ACAT1: variants seen among roughly 807,000 people sequenced by gnomAD.
The protein encoded by ACAT1 is acetyl-CoA acetyltransferase 1, also known as acetyl-CoA acetyltransferase, mitochondrial.
A neutral mutation model predicts 47.3 loss-of-function variants in ACAT1; 28 were observed. The observed-to-expected ratio is 0.59, with a 90% CI of 0.44 to 0.81. The LOEUF is 0.81. Ranked by LOEUF, ACAT1 falls within the 30% of genes least tolerant of loss-of-function variation. The pLI is 0.00. For synonymous variants in ACAT1, 181 were observed against 173.6 expected (o/e 1.04, Z -0.34); for missense variants, 469 against 524.3 (o/e 0.89, Z 1.03).
Position 108,121,635 on chromosome 11 carries a change from GC to G in ACAT1, c.30del (p.Ser10ArgfsTer17), listed in dbSNP as rs1565281236. MAVLAALLRSGARSRSPLLR... is the reference protein window; with the variant it reads MAVLAALLRXGARSRSPLLR... Reference sequence around the variant, plus strand: ...GCTGTGCTGGCGGCACTTCTGCGCAGCGGCGCCCGCAGCCGCAGCCCCCTGC... The same window carrying G: ...GCTGTGCTGGCGGCACTTCTGCGCAGGGCGCCCGCAGCCGCAGCCCCCTGC... On this transcript the variant is annotated frameshift_variant, in exon 1 of 12. Transcript: ENST00000265838. LOFTEE classifies it high-confidence loss of function. The G allele has an allele frequency of 3.2e-6, 5 of 1,550,720 alleles. No homozygotes were observed. The highest frequency in any genetic ancestry group is 4.4e-6 in the Non-Finnish European group (5 of 1,147,608).
chr11:108,146,194 A>C lies in ACAT1; in HGVS notation c.1006-8A>C, dbSNP rs368682208. ...TTTGAACATCATCTGTCTTTTAAAA[A>C]ATTTAAGGTTCTTAAAGATGTGGGA... On this transcript the variant is annotated splice_region_variant and splice_polypyrimidine_tract_variant and intron_variant, in intron 10 of 11. Coordinates refer to ENST00000265838, the MANE Select transcript of ACAT1 (RefSeq NM_000019.4). 6.2e-7 allele frequency: 1 copy of C among 1,603,746 alleles called. No individual in the cohort carries two copies. The highest frequency in any genetic ancestry group is 8.5e-7 in the Non-Finnish European group (1 of 1,171,332).
At chr11:108,145,638 T>G (rs936045798) in intron 10 of ACAT1, among the ~76,000 whole-genome samples, 5 of 152,148 alleles carry the variant, frequency 3.3e-5, no homozygotes, top group Non-Finnish European at 7.4e-5. Context: ...AAATAGAAAA[T>G]GTACCTTTTC....
chr11:108,117,451 A>G (rs4753829), upstream of ACAT1, among the ~76,000 whole-genome samples: 151,275 of 152,120 alleles, frequency 0.99, 75,222 homozygotes, highest in Middle Eastern at 1. Flanking sequence ...GGGCTTACAG[A>G]AGCCCATCAC....
intron 1 of ACAT1, among the ~76,000 whole-genome samples, chr11:108,122,877 T>C (rs1006433038): frequency 1.3e-5 from 2 of 151,682 alleles, no homozygotes; most frequent in Non-Finnish European, 2.9e-5. Context: ...CTAGGTACTC[T>C]AGAGATGTAA....
upstream of ACAT1, among the ~76,000 whole-genome samples, chr11:108,117,466 C>T (rs1338797187): frequency 6.6e-6 from 1 of 152,078 alleles, no homozygotes; most frequent in East Asian, 2.0e-4. Context: ...CATCACCACA[C>T]CCAGCTAATT....
At chr11:108,129,840 G>A (rs1237394954) in intron 1 of ACAT1, among the ~76,000 whole-genome samples, 1 of 152,172 alleles carries the variant, frequency 6.6e-6, no homozygotes, top group African/African-American at 2.4e-5. Flanking sequence ...CAGCTGGCTG[G>A]GTACAGGGAT....
rs1555031491 is a variant in ACAT1 at position 108,131,372 on chromosome 11, T to TTTTTTTTTTTTTTTTTTA, written c.73-535_73-534insTTTTTTTTTTTTTTTTTA. Among the ~76,000 whole-genome samples, 11 of 142,444 alleles carry TTTTTTTTTTTTTTTTTTA rather than the reference T, an allele frequency of 7.7e-5. 1 individual carries two copies. Among genetic ancestry groups the TTTTTTTTTTTTTTTTTTA allele is most frequent in the African/African-American group, 2.9e-4 (11 of 38,372 alleles). The allele number at this position is 142,444 out of a possible 152,430, so 93.4% of individuals were successfully genotyped here. A position where few individuals can be genotyped will look rare whatever the true frequency, so the allele number is the denominator to read the frequency against. On this transcript the variant is annotated intron_variant, in intron 1 of 11. Coordinates refer to ENST00000265838, the MANE Select transcript of ACAT1 (RefSeq NM_000019.4). The stretch of plus-strand genomic sequence containing the variant: ...ACTTGGAATTTTTTTTTTTTTTTTT[T>TTTTTTTTTTTTTTTTTTA]AGACAGTCTTGCTTTGTTGCCAAGG...
At chr11:108,120,690 G>T (rs1237269596), upstream of ACAT1, among the ~76,000 whole-genome samples, 1 of 152,184 alleles carries the variant, frequency 6.6e-6, no homozygotes, top group Non-Finnish European at 1.5e-5. Flanking sequence ...GTGGTTGAAG[G>T]TTGGGGACTG....
At chr11:108,129,771 A>G (rs1195621358) in intron 1 of ACAT1, among the ~76,000 whole-genome samples, 1 of 151,974 alleles carries the variant, frequency 6.6e-6, no homozygotes, top group East Asian at 1.9e-4. Flanking sequence ...CAGAAAGGGG[A>G]CTTTTTGAAG....
At chr11:108,136,169 T>G in intron 5 of ACAT1, 1 of 584,816 alleles carries the variant, frequency 1.7e-6, no homozygotes, top group Non-Finnish European at 3.0e-6. Context: ...ATCTGAGCCC[T>G]TCATTTTTCA....
At chr11:108,143,581 T>A (rs2077635153) in intron 9 of ACAT1, 1 of 154,002 alleles carries the variant, frequency 6.5e-6, no homozygotes, top group Admixed American at 6.5e-5. Context: ...AACTTCATTT[T>A]TTTTCTTAGC....
chr11:108,146,785 A>G (rs2077720245), intron 11 of ACAT1, among the ~76,000 whole-genome samples: 1 of 152,186 alleles, frequency 6.6e-6, no homozygotes, highest in Admixed American at 6.5e-5. Flanking sequence ...TGTACTTTTA[A>G]AAGATCTGTG....
intron 5 of ACAT1, among the ~76,000 whole-genome samples, chr11:108,135,597 T>C (rs2077454094): frequency 6.6e-6 from 1 of 151,290 alleles, no homozygotes; most frequent in Admixed American, 6.6e-5. Context: ...AGTGGCTCAC[T>C]CCTATAATCC....
At chr11:108,137,329 G>A (rs1015839164) in intron 5 of ACAT1, among the ~76,000 whole-genome samples, 2 of 152,170 alleles carry the variant, frequency 1.3e-5, no homozygotes, top group African/African-American at 4.8e-5. Flanking sequence ...CATGTGACCT[G>A]AGGTATAGGT....
chr11:108,134,263 T>G lies in ACAT1; in HGVS notation c.281T>G (p.Val94Gly). 1 of 1,613,790 alleles carries G rather than the reference T, an allele frequency of 6.2e-7. No homozygotes were observed. Among genetic ancestry groups the G allele is most frequent in the Non-Finnish European group, 8.5e-7 (1 of 1,179,874 alleles). Residue 94 changes from valine (V) to glycine (G), a missense_variant, in exon 4 of 12, where the codon GTT (valine) becomes GGT (glycine). Coordinates refer to ENST00000265838, the MANE Select transcript of ACAT1 (RefSeq NM_000019.4). ...EEVKEAYMGN[V>G]LQGGEGQAPT... is the part of the protein sequence containing the mutation. ...GTGAAAGAAGCATACATGGGTAATG[T>G]TCTACAAGGAGGTGAAGGACAAGCT...
intron 1 of ACAT1, chr11:108,128,926 T>C (rs1198590368): frequency 6.6e-6 from 1 of 152,210 alleles, no homozygotes; most frequent in Non-Finnish European, 1.5e-5. Flanking sequence ...ACAGGTGGTG[T>C]TGGATTATAT....
At chr11:108,126,116 C>T (rs553719366) in intron 1 of ACAT1, among the ~76,000 whole-genome samples, 2 of 152,234 alleles carry the variant, frequency 1.3e-5, no homozygotes, top group South Asian at 4.1e-4. Flanking sequence ...GATTCTCCCA[C>T]CTCAACCTCC....
chr11:108,142,249 CAAA>C (rs1465975192), intron 8 of ACAT1, among the ~76,000 whole-genome samples, 185 bp from the exon 9 acceptor site: 4 of 152,168 alleles, frequency 2.6e-5, no homozygotes, highest in African/African-American at 4.8e-5. Context: ...TTTATGTACA[CAAA>C]AAGGCATTCT....
chr11:108,141,512 G>C (rs1031095816), intron 7 of ACAT1, 93 bp from the exon 8 acceptor site: 1 of 863,976 alleles, frequency 1.2e-6, no homozygotes, highest in African/African-American at 1.7e-5. Flanking sequence ...GGGATACAAA[G>C]GGAGGCACAG....
Sources: gnomAD v4.1 joint callset for allele counts (sites outside exome capture counted in the v4.1 genomes callset) on GRCh38, gnomAD v4.1.1 for gene constraint, MANE v1.5 for transcripts, NCBI Gene and HGNC (gene_info 2026-07-23, HGNC 2026-07-21) for gene names.